Variants in HOOK3 observed in about 807,000 individuals in gnomAD.
HOOK3 encodes the protein protein Hook homolog 3.
A neutral mutation model predicts 116.3 loss-of-function variants in HOOK3; 24 were observed. The ratio of observed to expected loss-of-function variants is 0.21; its 90% CI spans 0.15 to 0.29. The LOEUF is 0.29. HOOK3 is among the 10% of genes least tolerant of loss of function. The pLI is 1.00. For synonymous variants in HOOK3, 275 were observed against 283.0 expected (o/e 0.97, Z 0.28); for missense variants, 632 against 830.2 (o/e 0.76, Z 2.93).
rs974264792 is a variant in HOOK3, at chr8:43,019,350, T to A, written c.*852T>A. On this transcript the variant is annotated 3_prime_UTR_variant, in exon 22 of 22. Coordinates refer to ENST00000307602, the MANE Select transcript of HOOK3 (RefSeq NM_032410.4). ...GACATACCTTCAGTTGCTTTCCACA[T>A]CTAAAAGAGTTATCTTTCATATATG... 2 of 214,094 alleles carry A rather than the reference T, an allele frequency of 9.3e-6. No individual in the cohort carries two copies. The highest frequency in any genetic ancestry group is 1.9e-5 in the Non-Finnish European group (2 of 106,272). 13.3% of individuals were successfully genotyped at this position (214,094 alleles called of 1,614,324 possible). A position where few individuals can be genotyped will look rare whatever the true frequency, so the allele number is the denominator to read the frequency against.
chr8:43,000,526 T>A (rs1014990372), intron 16 of HOOK3, among the ~76,000 whole-genome samples: 1 of 152,210 alleles, frequency 6.6e-6, no homozygotes, highest in African/African-American at 2.4e-5. Context: ...ATCCCATTAT[T>A]ATAATTAATT....
At chr8:42,996,552 TCTC>T (rs1809272871) in intron 15 of HOOK3, among the ~76,000 whole-genome samples, 1 of 152,144 alleles carries the variant, frequency 6.6e-6, no homozygotes, top group Non-Finnish European at 1.5e-5. Flanking sequence ...GTTGTGCTGA[TCTC>T]CTTTTCCCCC....
intron 15 of HOOK3, among the ~76,000 whole-genome samples, chr8:42,988,315 T>A (rs1809087404): frequency 6.6e-6 from 1 of 152,218 alleles, no homozygotes; most frequent in South Asian, 2.1e-4. Context: ...TCATTCATCC[T>A]TTGCCTCTGG....
At chr8:42,939,752 C>T (rs1301145991) in intron 4 of HOOK3, among the ~76,000 whole-genome samples, 2 of 148,798 alleles carry the variant, frequency 1.3e-5, no homozygotes, top group Non-Finnish European at 3.0e-5. Flanking sequence ...CGGAGGGGCT[C>T]CTCACTTCTC....
chr8:42,938,869 C>T (rs543863189), intron 4 of HOOK3, among the ~76,000 whole-genome samples: 164 of 152,168 alleles, frequency 1.1e-3, no homozygotes, highest in African/African-American at 3.6e-3. Flanking sequence ...TGCTGCATTC[C>T]GCAGTGTTTG....
intron 21 of HOOK3, among the ~76,000 whole-genome samples, chr8:43,015,044 G>A (rs1809685153): frequency 6.6e-6 from 1 of 151,924 alleles, no homozygotes. Context: ...CTACTCAGGA[G>A]GCTGAGGCAC....
chr8:42,948,931 G>A (rs75413104), intron 5 of HOOK3, among the ~76,000 whole-genome samples: 1,959 of 152,290 alleles, frequency 0.013, 43 homozygotes, highest in African/African-American at 0.044. Context: ...GGTACAAGTA[G>A]CCTTAGGGCA....
intron 21 of HOOK3, among the ~76,000 whole-genome samples, chr8:43,015,076 G>A (rs1809685956): frequency 6.6e-6 from 1 of 152,032 alleles, no homozygotes; most frequent in Admixed American, 6.6e-5. Context: ...AAACCCGGGA[G>A]GCGGAAGTTG....
intron 6 of HOOK3, among the ~76,000 whole-genome samples, chr8:42,953,446 C>A (rs1008854465): frequency 6.6e-6 from 1 of 151,652 alleles, no homozygotes; most frequent in Non-Finnish European, 1.5e-5. Context: ...TACCTGTAAT[C>A]CCAGCTACTT....
chr8:42,949,848 C>T (rs1220372342), intron 5 of HOOK3, among the ~76,000 whole-genome samples: 2 of 149,944 alleles, frequency 1.3e-5, no homozygotes, highest in African/African-American at 2.5e-5. Flanking sequence ...ACCTGGGAGG[C>T]GGAGGTTGCA....
intron 4 of HOOK3, among the ~76,000 whole-genome samples, chr8:42,940,057 C>T (rs564499449): frequency 1.5e-4 from 22 of 150,126 alleles, no homozygotes; most frequent in Non-Finnish European, 2.1e-4. Flanking sequence ...CAGGCAGAGA[C>T]GCTCCTCACT....
At chr8:42,964,535 A>C in intron 9 of HOOK3, 61 bp downstream of exon 9, 2 of 1,513,368 alleles carry the variant, frequency 1.3e-6, no homozygotes, top group Non-Finnish European at 1.8e-6. Context: ...TTTAAAGTTA[A>C]GAGTATATTG....
At chr8:42,981,546 C>T (rs1333168011) in intron 13 of HOOK3, among the ~76,000 whole-genome samples, 1 of 152,142 alleles carries the variant, frequency 6.6e-6, no homozygotes, top group Non-Finnish European at 1.5e-5. Flanking sequence ...TTCAGCAATA[C>T]AGGAATAGTA....
rs560347080 is a variant in HOOK3, at chr8:43,021,890, C to T, written c.*3392C>T. Reference sequence around the variant, plus strand: ...TTCACCATGTTAGCCAGGATGGTCTCGATCTCCTGACCTCGTGATCCACCC... The same window carrying T: ...TTCACCATGTTAGCCAGGATGGTCTTGATCTCCTGACCTCGTGATCCACCC... On this transcript the variant is annotated 3_prime_UTR_variant, in exon 22 of 22. Transcript: ENST00000307602. The T allele has an allele frequency of 1.1e-3, 190 of 165,296 alleles. 2 individuals are homozygous for T. Among genetic ancestry groups the T allele is most frequent in the African/African-American group, 4.3e-3 (180 of 41,696 alleles). The allele number at this position is 165,296 out of a possible 1,614,324, so 10.2% of individuals were successfully genotyped here. A position where few individuals can be genotyped will look rare whatever the true frequency, so the allele number is the denominator to read the frequency against.
chr8:42,979,232 G>C (rs896647414), intron 13 of HOOK3, among the ~76,000 whole-genome samples: 5 of 152,078 alleles, frequency 3.3e-5, no homozygotes, highest in African/African-American at 1.2e-4. Flanking sequence ...AAATTGTGCC[G>C]GTTCACTCCA....
intron 16 of HOOK3, among the ~76,000 whole-genome samples, chr8:43,001,779 T>C (rs1485833147): frequency 6.6e-6 from 1 of 152,174 alleles, no homozygotes; most frequent in Admixed American, 6.5e-5. Context: ...ATTACTAGGG[T>C]CCTGTCTGCC....
At chr8:42,962,848 C>G (rs571818283) in intron 8 of HOOK3, among the ~76,000 whole-genome samples, 2 of 134,838 alleles carry the variant, frequency 1.5e-5, no homozygotes, top group East Asian at 4.5e-4. Context: ...GTCCCCCAGT[C>G]TGGAGTGCAA....
intron 6 of HOOK3, among the ~76,000 whole-genome samples, chr8:42,952,434 C>G (rs1022749309): frequency 2.5e-4 from 38 of 152,306 alleles, no homozygotes; most frequent in African/African-American, 7.7e-4. Context: ...CCTTTATATC[C>G]AGATTCTTTG....
intron 7 of HOOK3, among the ~76,000 whole-genome samples, chr8:42,958,722 C>T (rs1808484110): frequency 6.6e-6 from 1 of 151,032 alleles, no homozygotes; most frequent in South Asian, 2.1e-4. Flanking sequence ...GGTTTTAAGG[C>T]CAACACTCAT....
Sources: gnomAD v4.1 joint callset for allele counts (sites outside exome capture counted in the v4.1 genomes callset) on GRCh38, gnomAD v4.1.1 for gene constraint, MANE v1.5 for transcripts, NCBI Gene and HGNC (gene_info 2026-07-23, HGNC 2026-07-21) for gene names.